The following LAMC2 variants were observed in gnomAD, a reference collection of about 807,000 sequenced individuals.
LAMC2 encodes the protein laminin subunit gamma 2.
A neutral mutation model predicts 140.2 loss-of-function variants in LAMC2; 97 were observed. The observed-to-expected ratio is 0.69, with a 90% CI of 0.59 to 0.82. The LOEUF is 0.82. Ranked by LOEUF, LAMC2 falls within the 40% of genes least tolerant of loss-of-function variation. The pLI is 0.00. For missense variants in LAMC2, 1,402 were observed against 1,476.1 expected, an observed-to-expected ratio of 0.95 and a Z score of 0.82; for synonymous variants, 513 against 540.2, an observed-to-expected ratio of 0.95 and a Z score of 0.70.
At chr1:183,192,887 G>A (rs530820345) in intron 1 of LAMC2, among the ~76,000 whole-genome samples, 2 of 152,186 alleles carry the variant, frequency 1.3e-5, no homozygotes, top group East Asian at 3.9e-4. Flanking sequence ...TGTATTTTTA[G>A]TAGAGACGGG....
At position 183,227,596 on chromosome 1, in the gene LAMC2, C is replaced by A; in HGVS notation, c.1367C>A (p.Pro456His). Reference protein sequence around the residue: ...PIGFYNDPHDPRSCKPCPCHN... With the variant: ...PIGFYNDPHDHRSCKPCPCHN... ...GGTTTCTACAACGATCCGCACGACC[C>A]CCGCAGCTGCAAGCCATGTCCCTGT... The change falls in exon 10 of 23, where the codon CCC (proline) becomes CAC (histidine). Residue 456 changes from proline (P) to histidine (H), a missense_variant. This residue lies in a region of LAMC2 where 723 missense variants were observed against 783.3 expected (regional missense o/e 0.92). Coordinates refer to ENST00000264144, the MANE Select transcript of LAMC2 (RefSeq NM_005562.3). The A allele has an allele frequency of 1.2e-6, 2 of 1,614,100 alleles. No homozygotes were observed. Among genetic ancestry groups the A allele is most frequent in the East Asian group, 2.2e-5 (1 of 44,874 alleles).
intron 1 of LAMC2, among the ~76,000 whole-genome samples, chr1:183,191,564 A>T (rs1189859460): frequency 6.7e-6 from 1 of 149,308 alleles, no homozygotes; most frequent in East Asian, 2.0e-4. Context: ...TCTATTAGAG[A>T]TCAGTGTAGA....
intron 16 of LAMC2, 152 bp downstream of exon 16, chr1:183,235,882 G>T: frequency 2.6e-6 from 2 of 760,314 alleles, no homozygotes; most frequent in Non-Finnish European, 4.3e-6. Flanking sequence ...TTACTTTGGG[G>T]AAAAGCAGAT....
chr1:183,208,124 AG>A, intron 2 of LAMC2, 55 bp downstream of exon 2: 1 of 1,449,680 alleles, frequency 6.9e-7, no homozygotes, highest in Non-Finnish European at 9.7e-7. Context: ...GGGAGACAAG[AG>A]GGAAGGAAGG....
intron 18 of LAMC2, among the ~76,000 whole-genome samples, 165 bp downstream of exon 18, chr1:183,237,669 A>G (rs1174573206): frequency 6.6e-6 from 1 of 152,174 alleles, no homozygotes; most frequent in African/African-American, 2.4e-5. Flanking sequence ...GCTTGAACTC[A>G]GGAGTTTGAG....
intron 1 of LAMC2, among the ~76,000 whole-genome samples, chr1:183,203,292 C>T (rs1658779271): frequency 6.6e-6 from 1 of 152,204 alleles, no homozygotes; most frequent in African/African-American, 2.4e-5. Context: ...ATCCCCACCA[C>T]TTCCTGTTGC....
intron 4 of LAMC2, among the ~76,000 whole-genome samples, chr1:183,220,011 C>T (rs750612374): frequency 4.6e-5 from 7 of 152,248 alleles, no homozygotes; most frequent in Non-Finnish European, 1.0e-4. Flanking sequence ...AGAACACACA[C>T]AAGGTGCCTG....
intron 5 of LAMC2, among the ~76,000 whole-genome samples, chr1:183,221,442 A>C (rs1659465542): frequency 6.6e-6 from 1 of 152,138 alleles, no homozygotes; most frequent in African/African-American, 2.4e-5. Flanking sequence ...AAAAGACTGG[A>C]CCCGGGCCAA....
At position 183,243,742 on chromosome 1, in the gene LAMC2, G is replaced by A. The variant is rs926051898; in HGVS notation, c.*342G>A. On this transcript the variant is annotated 3_prime_UTR_variant, in exon 23 of 23. Coordinates refer to ENST00000264144, the MANE Select transcript of LAMC2 (RefSeq NM_005562.3). ...GAGTCCTGGAATTTGGACAAGTGCT[G>A]TTGGGATATAGTCAACTTATTCTTT... The A allele has an allele frequency of 1.9e-5, 7 of 368,658 alleles. No homozygotes were observed. The highest frequency in any genetic ancestry group is 1.4e-4 in the African/African-American group (7 of 48,400). 22.8% of individuals were successfully genotyped at this position (368,658 alleles called of 1,614,324 possible). A position where few individuals can be genotyped will look rare whatever the true frequency, so the allele number is the denominator to read the frequency against.
chr1:183,199,422 C>G (rs1658633146), intron 1 of LAMC2, among the ~76,000 whole-genome samples: 1 of 151,274 alleles, frequency 6.6e-6, no homozygotes, highest in Non-Finnish European at 1.5e-5. Flanking sequence ...TCCTTCCTTT[C>G]TCCTTCCTTC....
chr1:183,238,540 T>C (rs922241201), intron 19 of LAMC2, 119 bp downstream of exon 19: 11 of 694,100 alleles, frequency 1.6e-5, no homozygotes, highest in Non-Finnish European at 2.9e-5. Flanking sequence ...AATAGATCCT[T>C]AGTAAATATC....
chr1:183,248,366 ATTT>A (rs1050530376), downstream of LAMC2: 5 of 152,748 alleles, frequency 3.3e-5, no homozygotes, highest in African/African-American at 1.2e-4. Context: ...CTTGAATATC[ATTT>A]TTTATTAATG....
At chr1:183,252,417 C>T in the LAMC2 span, 4 of 340,300 alleles carry the variant, frequency 1.2e-5, no homozygotes, top group South Asian at 4.4e-5. Context: ...CCACCCCATT[C>T]CCTCACCCAC....
At chr1:183,218,112 G>A (rs970472458) in intron 3 of LAMC2, among the ~76,000 whole-genome samples, 2 of 152,232 alleles carry the variant, frequency 1.3e-5, no homozygotes, top group Non-Finnish European at 2.9e-5. Flanking sequence ...TGATGAACTT[G>A]GTTTACATTC....
chr1:183,199,422 CTCCT>C (rs144680316), intron 1 of LAMC2, among the ~76,000 whole-genome samples: 86 of 151,380 alleles, frequency 5.7e-4, no homozygotes, highest in East Asian at 4.7e-3. Context: ...TCCTTCCTTT[CTCCT>C]TCCTTCCTTC....
chr1:183,200,538 T>A (rs1173983502), intron 1 of LAMC2, among the ~76,000 whole-genome samples: 1 of 152,204 alleles, frequency 6.6e-6, no homozygotes, highest in Non-Finnish European at 1.5e-5. Context: ...GAACTGCTAC[T>A]ACTGATGATG....
At chr1:183,235,503 T>C in intron 15 of LAMC2, 72 bp from the exon 16 acceptor site, 1 of 1,558,318 alleles carries the variant, frequency 6.4e-7, no homozygotes, top group East Asian at 2.3e-5. Flanking sequence ...TCTTTGCCCT[T>C]CGTGTAACTG....
At chr1:183,207,800 A>G in intron 1 of LAMC2, 81 bp from the exon 2 acceptor site, 1 of 1,190,462 alleles carries the variant, frequency 8.4e-7, no homozygotes, top group Non-Finnish European at 1.2e-6. Flanking sequence ...TCTATCAATA[A>G]TAACATAAAC....
the LAMC2 span, among the ~76,000 whole-genome samples, chr1:183,258,493 T>TTAGTTTA: frequency 1.3e-5 from 2 of 152,002 alleles, no homozygotes; most frequent in African/African-American, 4.8e-5. Flanking sequence ...CAGGAGAAAC[T>TTAGTTTA]TAGTTTATAG....
Sources: gnomAD v4.1 joint callset for allele counts (sites outside exome capture counted in the v4.1 genomes callset) on GRCh38, gnomAD v4.1.1 for gene constraint, gnomAD v4.1.1 regional missense constraint, MANE v1.5 for transcripts, NCBI Gene and HGNC (gene_info 2026-07-23, HGNC 2026-07-21) for gene names.